CLSPN: variants seen among roughly 807,000 people sequenced by gnomAD.
CLSPN encodes claspin, also known as claspin homolog.
A neutral mutation model predicts 156.3 loss-of-function variants in CLSPN; 85 were observed. The ratio of observed to expected loss-of-function variants is 0.54; its 90% CI spans 0.46 to 0.65. The LOEUF (loss-of-function observed/expected upper bound fraction) is 0.65. CLSPN is among the 30% of genes least tolerant of loss of function. CLSPN has a pLI of 0.00. For synonymous variants in CLSPN, 534 were observed against 542.4 expected (o/e 0.98, Z 0.22); for missense variants, 1,407 against 1,554.9 (o/e 0.90, Z 1.60).
rs1380063711 is a variant in CLSPN at position 35,734,436 on chromosome 1, T to C, written c.*2060A>G. The C allele has an allele frequency of 2.1e-5, 19 of 910,244 alleles. No individual in the cohort carries two copies. The highest frequency in any genetic ancestry group is 2.5e-5 in the Non-Finnish European group (19 of 761,960). The allele number at this position is 910,244 out of a possible 1,614,324, so 56.4% of individuals were successfully genotyped here. The stretch of plus-strand genomic sequence containing the variant: ...GGCTCATGCCTATAATCCCAGCACT[T>C]TGGGAGGCCGAGACGGGTGGATCAC... On this transcript the variant is annotated 3_prime_UTR_variant, in exon 25 of 25. Transcript: ENST00000318121.
chr1:35,764,307 C>G lies in CLSPN; in HGVS notation c.541G>C (p.Glu181Gln). Residue 181 changes from glutamate to glutamine, a missense_variant, in exon 3 of 25, where the codon GAA (glutamate) becomes CAA (glutamine). Transcript: ENST00000318121. ...RRLEKEERKMEKIRQLKKKET... is the reference protein window; with the variant it reads ...RRLEKEERKMQKIRQLKKKET... ...TTCTTTTTTAGCTGTCTAATTTTTTCCATTTTTCTCTCCTCTTTCTCAAGT... is the reference window on the plus strand; with the variant it reads ...TTCTTTTTTAGCTGTCTAATTTTTTGCATTTTTCTCTCCTCTTTCTCAAGT... 6.3e-7 allele frequency: 1 copy of G among 1,580,016 alleles called. No homozygotes were observed. The highest frequency in any genetic ancestry group is 8.5e-7 in the Non-Finnish European group (1 of 1,170,702).
intron 23 of CLSPN, 74 bp downstream of exon 23, chr1:35,737,265 C>G (rs1339739901): frequency 1.5e-6 from 2 of 1,377,918 alleles, no homozygotes; most frequent in East Asian, 4.6e-5. Context: ...ATGACAGAGA[C>G]TATTCTCTAA....
Position 35,760,449 on chromosome 1 carries a change from C to T in CLSPN, c.1472G>A (p.Arg491Gln), listed in dbSNP as rs1284668513. 7.4e-6 allele frequency: 12 copies of T among 1,614,116 alleles called. No individual in the cohort carries two copies. The highest frequency in any genetic ancestry group is 1.3e-5 in the African/African-American group (1 of 75,020). The change falls in exon 8 of 25, where the codon CGG becomes CAG. Residue 491 changes from arginine to glutamine, a missense_variant. By Grantham distance (43) the Arg-to-Gln change is conservative. This residue lies in a region of CLSPN where 1,096 missense variants were observed against 1,193.0 expected (regional missense o/e 0.92). Transcript: ENST00000318121. ...SAVGPPEKVR[R>Q]FTLDRLKQLG... ...TTGCTTAAGTCTATCCAGAGTAAAC[C>T]GTCTCACTTTTTCAGGTGGCCCAAC... is the stretch of plus-strand genomic sequence containing the variant.
In CLSPN at chr1:35,736,156, T is replaced by C; in HGVS notation, c.*340A>G. On this transcript the variant is annotated 3_prime_UTR_variant, in exon 25 of 25. Coordinates refer to ENST00000318121, the MANE Select transcript of CLSPN (RefSeq NM_022111.4). Reference sequence around the variant, plus strand: ...TCGCTTGAACCTGGGAGGCAGAGATTGTGGTGAGCCGAGATCACGCCACTG... The same window carrying C: ...TCGCTTGAACCTGGGAGGCAGAGATCGTGGTGAGCCGAGATCACGCCACTG... 1 of 749,020 alleles carries C rather than the reference T, an allele frequency of 1.3e-6. No individual in the cohort carries two copies. The highest frequency in any genetic ancestry group is 1.6e-6 in the Non-Finnish European group (1 of 613,392). The allele number at this position is 749,020 out of a possible 1,614,324, so 46.4% of individuals were successfully genotyped here.
intron 1 of CLSPN, among the ~76,000 whole-genome samples, chr1:35,767,857 A>T (rs552219910): frequency 2.0e-4 from 31 of 152,258 alleles, no homozygotes; most frequent in African/African-American, 6.0e-4. Flanking sequence ...AGGTTTGAAA[A>T]TTTCTAAATA....
At chr1:35,720,848 A>T in exon 25 of CLSPN, 1 of 1,394,882 alleles carries the variant, frequency 7.2e-7, no homozygotes, top group Non-Finnish European at 1.0e-6. Context: ...TTCTGCCCAG[A>T]ATAGCCCTTC....
chr1:35,743,077 A>G (rs1641751663), intron 18 of CLSPN, 64 bp downstream of exon 18: 2 of 1,246,590 alleles, frequency 1.6e-6, no homozygotes, highest in Non-Finnish European at 2.4e-6. Context: ...GCAAGCCACC[A>G]TGCCTGGCCT....
intron 15 of CLSPN, 89 bp from the exon 16 acceptor site, chr1:35,745,651 C>G: frequency 1.1e-6 from 1 of 900,880 alleles, no homozygotes; most frequent in Middle Eastern, 2.3e-4. Context: ...CAGCTCGATA[C>G]AGTTCTAAGG....
chr1:35,727,722 T>C (rs918517099), downstream of CLSPN, among the ~76,000 whole-genome samples: 1 of 152,246 alleles, frequency 6.6e-6, no homozygotes, highest in Non-Finnish European at 1.5e-5. Context: ...GTGCCAGGCC[T>C]TGAGGCAGAC....
downstream of CLSPN, among the ~76,000 whole-genome samples, chr1:35,729,912 G>A (rs1462546408): frequency 6.6e-6 from 1 of 152,120 alleles, no homozygotes; most frequent in Non-Finnish European, 1.5e-5. Flanking sequence ...TTTTCCAGTT[G>A]AGGAAAAAAG....
At chr1:35,741,458 AG>A (rs1641686818) in intron 18 of CLSPN, among the ~76,000 whole-genome samples, 1 of 152,068 alleles carries the variant, frequency 6.6e-6, no homozygotes, top group Non-Finnish European at 1.5e-5. Flanking sequence ...CTGGGATTAC[AG>A]GCACTGGCCA....
intron 24 of CLSPN, among the ~76,000 whole-genome samples, chr1:35,723,282 G>C (rs991633242): frequency 6.6e-6 from 1 of 152,138 alleles, no homozygotes; most frequent in African/African-American, 2.4e-5. Context: ...GTATCAGCCT[G>C]AACAGGGCTT....
chr1:35,722,179 G>A (rs1453681594), intron 24 of CLSPN, among the ~76,000 whole-genome samples: 2 of 149,988 alleles, frequency 1.3e-5, no homozygotes, highest in Non-Finnish European at 3.0e-5. Flanking sequence ...AGCCTATATC[G>A]TGCTCTGCAG....
rs1411999667 is a variant in CLSPN, at chr1:35,732,715, G to A, written c.*3781C>T. The A allele has an allele frequency of 3.0e-6, 3 of 985,262 alleles. No homozygotes were observed. Among genetic ancestry groups the A allele is most frequent in the Admixed American group, 1.2e-4 (2 of 16,264 alleles). The allele number at this position is 985,262 out of a possible 1,614,324, so 61.0% of individuals were successfully genotyped here. On this transcript the variant is annotated 3_prime_UTR_variant, in exon 25 of 25. Transcript: ENST00000318121. ...AGCTAGTGAAGCTGAGTCCTCCTCAGAGCCATAGTGGCAGGTCCTGGGGCT... is the reference window on the plus strand; with the variant it reads ...AGCTAGTGAAGCTGAGTCCTCCTCAAAGCCATAGTGGCAGGTCCTGGGGCT...
intron 24 of CLSPN, among the ~76,000 whole-genome samples, chr1:35,723,170 A>T (rs1393703291): frequency 6.6e-6 from 1 of 152,216 alleles, no homozygotes; most frequent in Non-Finnish European, 1.5e-5. Context: ...ACCAGAGAAT[A>T]ATTCACCCCC....
In CLSPN at chr1:35,769,862, G is replaced by A. The variant is rs930168293; in HGVS notation, c.9C>T (p.Gly3=). ...ATAAACTCACCTCAGAACCCACCTC[G>A]CCTGTCATGACTTCTGCCTCCCCTG... MT[G]EVGSEVHLEI... Residue 3 remains glycine (G), a synonymous_variant, in exon 1 of 25, where the codon GGC becomes GGT. Coordinates refer to ENST00000318121, the MANE Select transcript of CLSPN (RefSeq NM_022111.4). The A allele has an allele frequency of 1.2e-6, 2 of 1,608,208 alleles. No individual in the cohort carries two copies. Among genetic ancestry groups the A allele is most frequent in the African/African-American group, 1.3e-5 (1 of 74,650 alleles).
intron 5 of CLSPN, 107 bp downstream of exon 5, chr1:35,762,297 G>T: frequency 2.0e-6 from 2 of 1,024,500 alleles, no homozygotes; most frequent in East Asian, 2.5e-5. Context: ...GCAATATGAT[G>T]GGTAACAGAA....
At chr1:35,738,832 G>A (rs1158680682) in intron 20 of CLSPN, among the ~76,000 whole-genome samples, 1 of 135,940 alleles carries the variant, frequency 7.4e-6, no homozygotes, top group Non-Finnish European at 1.5e-5. Flanking sequence ...ATGGAGTCTC[G>A]CTCTGTCGCC....
At position 35,733,510 on chromosome 1, in the gene CLSPN, G is replaced by C. The variant is rs1319721363; in HGVS notation, c.*2986C>G. 1.0e-6 allele frequency: 1 copy of C among 985,112 alleles called. No homozygotes were observed. The highest frequency in any genetic ancestry group is 1.7e-5 in the African/African-American group (1 of 57,188). 61.0% of individuals were successfully genotyped at this position (985,112 alleles called of 1,614,324 possible). On this transcript the variant is annotated 3_prime_UTR_variant, in exon 25 of 25. Transcript: ENST00000318121. Reference sequence around the variant, plus strand: ...TCTATCTCTCCTCAAAAGACATGTAGGGAAACAAGAGGGAAGAAATATCTA... The same window carrying C: ...TCTATCTCTCCTCAAAAGACATGTACGGAAACAAGAGGGAAGAAATATCTA...
Sources: gnomAD v4.1 joint callset for allele counts (sites outside exome capture counted in the v4.1 genomes callset) on GRCh38, gnomAD v4.1.1 for gene constraint, gnomAD v4.1.1 regional missense constraint, MANE v1.5 for transcripts, NCBI Gene and HGNC (gene_info 2026-07-23, HGNC 2026-07-21) for gene names.